Variants in LSAMP observed in about 807,000 individuals in gnomAD.
LSAMP encodes limbic system-associated membrane protein.
Under a neutral mutation model 38.6 loss-of-function variants are expected in LSAMP, and 7 were observed. That is an observed-to-expected ratio of 0.18 (90% CI 0.10 to 0.34). The LOEUF (loss-of-function observed/expected upper bound fraction) is 0.34. LSAMP is among the 10% of genes least tolerant of loss of function. The pLI, the probability that LSAMP is intolerant of heterozygous loss-of-function variation, is 1.00. For synonymous variants in LSAMP, 154 were observed against 166.8 expected (o/e 0.92, Z 0.59); for missense variants, 313 against 420.0 (o/e 0.75, Z 2.23).
At chr3:116,074,844 C>CTTTTTTTTTTTTTT (rs1161460100) in intron 2 of LSAMP, among the ~76,000 whole-genome samples, 41 of 128,376 alleles carry the variant, frequency 3.2e-4, no homozygotes, top group African/African-American at 1.2e-3. Context: ...TTTCTTTATT[C>CTTTTTTTTTTTTTT]TTTTTTTTTT....
At chr3:116,088,401 G>A (rs928875236) in intron 1 of LSAMP, among the ~76,000 whole-genome samples, 2 of 152,016 alleles carry the variant, frequency 1.3e-5, no homozygotes, top group Non-Finnish European at 2.9e-5. Flanking sequence ...CTTCATGAAT[G>A]CTTGCTGCCT....
In LSAMP at chr3:116,327,917, C is replaced by T. The variant is rs752729547; in HGVS notation, c.155+116960G>A. On this transcript the variant is annotated intron_variant, in intron 1 of 6. Coordinates refer to ENST00000490035, the MANE Select transcript of LSAMP (RefSeq NM_002338.5). ...CCTATTTGTGCTGAGATATTACAAA[C>T]GGTCAGGACTCCTGATGGATGATTG... Among the ~76,000 whole-genome samples the T allele has an allele frequency of 5.3e-5, 8 of 152,138 alleles. No individual in the cohort carries two copies. The South Asian group carries it at 8.3e-4, about 16-fold the overall frequency.
intron 3 of LSAMP, among the ~76,000 whole-genome samples, chr3:115,939,084 C>T (rs1221121402): frequency 6.6e-6 from 1 of 152,052 alleles, no homozygotes; most frequent in Admixed American, 6.6e-5. Context: ...GAAACTGGTA[C>T]TGAAAGTCAT....
At chr3:116,046,331 C>T (rs1315724407) in intron 2 of LSAMP, among the ~76,000 whole-genome samples, 1 of 151,962 alleles carries the variant, frequency 6.6e-6, no homozygotes, top group Non-Finnish European at 1.5e-5. Flanking sequence ...GGTAGACTGC[C>T]TGGAAGTGGA....
In LSAMP at chr3:115,916,978, T is replaced by C. The variant is rs559614666; in HGVS notation, c.515-64361A>G. 3.9e-5 allele frequency among the ~76,000 whole-genome samples: 6 copies of C among 152,310 alleles called. No homozygotes were observed. The East Asian group carries it at 7.7e-4, about 20-fold the overall frequency. The stretch of plus-strand genomic sequence containing the variant: ...ATTTTTCTATGAATGAGATCCCTAA[T>C]GTGTATATTATGAAAAAGTCTAAGT... On this transcript the variant is annotated intron_variant, in intron 3 of 6. Coordinates refer to ENST00000490035, the MANE Select transcript of LSAMP (RefSeq NM_002338.5).
chr3:116,278,040 A>T (rs1559810373), intron 1 of LSAMP, among the ~76,000 whole-genome samples: 1 of 152,224 alleles, frequency 6.6e-6, no homozygotes, highest in Non-Finnish European at 1.5e-5. Flanking sequence ...AACTGAAAGC[A>T]ATAATCCTAT....
intron 3 of LSAMP, among the ~76,000 whole-genome samples, chr3:115,939,584 C>CTTTCTCTTTCTT (rs1576237854): frequency 1.5e-5 from 2 of 131,802 alleles, no homozygotes; most frequent in Admixed American, 7.6e-5. Context: ...TTCTTTCTTT[C>CTTTCTCTTTCTT]TGTTAAGAGA....
chr3:116,290,770 T>TAAA (rs2047256331), intron 1 of LSAMP, among the ~76,000 whole-genome samples: 1 of 136,418 alleles, frequency 7.3e-6, no homozygotes, highest in Admixed American at 7.3e-5. Flanking sequence ...ATAATAATAA[T>TAAA]AATAAAATAA....
intron 3 of LSAMP, among the ~76,000 whole-genome samples, chr3:115,888,288 C>G (rs1268657324): frequency 6.6e-6 from 1 of 151,916 alleles, no homozygotes; most frequent in Non-Finnish European, 1.5e-5. Flanking sequence ...ATTAACATAA[C>G]TGTAGAAAAA....
At chr3:116,220,705 A>G (rs62269256) in intron 1 of LSAMP, among the ~76,000 whole-genome samples, 14,261 of 152,196 alleles carry the variant, frequency 0.094, 947 homozygotes, top group African/African-American at 0.19. Context: ...GAAGAATGAG[A>G]TAAGGGATTT....
At chr3:116,430,856 G>C (rs1489399410) in intron 1 of LSAMP, among the ~76,000 whole-genome samples, 2 of 151,922 alleles carry the variant, frequency 1.3e-5, no homozygotes, top group Non-Finnish European at 2.9e-5. Context: ...CATTCAACTA[G>C]ATTTGCTTAT....
chr3:116,252,421 C>T (rs772417029), intron 1 of LSAMP, among the ~76,000 whole-genome samples: 1 of 152,116 alleles, frequency 6.6e-6, no homozygotes, highest in Non-Finnish European at 1.5e-5. Flanking sequence ...ATAGAATTGG[C>T]TTTAGGTGGC....
chr3:116,025,592 C>A (rs1020754840), intron 2 of LSAMP, among the ~76,000 whole-genome samples: 2 of 151,622 alleles, frequency 1.3e-5, no homozygotes, highest in Non-Finnish European at 2.9e-5. Flanking sequence ...ATATTGAATT[C>A]TTTGAATCAT....
At position 116,272,149 on chromosome 3, in the gene LSAMP, A is replaced by AATATATATAT. The variant is rs148831827; in HGVS notation, c.155+172718_155+172727dup. ...TAAATTACAGTTCCATAAACAAATA[A>AATATATATAT]ATATATATATATATAATAAAAACAA... On this transcript the variant is annotated intron_variant, in intron 1 of 6. Transcript: ENST00000490035. Among the ~76,000 whole-genome samples the AATATATATAT allele has an allele frequency of 1.2e-3, 179 of 150,534 alleles. 1 individual carries two copies. The highest frequency in any genetic ancestry group is 4.1e-3 in the African/African-American group (170 of 41,090).
chr3:116,159,811 G>T (rs1266129879), intron 1 of LSAMP, among the ~76,000 whole-genome samples: 1 of 152,142 alleles, frequency 6.6e-6, no homozygotes, highest in Non-Finnish European at 1.5e-5. Context: ...CAATAGCAAA[G>T]ATGTGAAACA....
At chr3:116,259,382 A>C (rs2046796030) in intron 1 of LSAMP, among the ~76,000 whole-genome samples, 1 of 152,164 alleles carries the variant, frequency 6.6e-6, no homozygotes, top group African/African-American at 2.4e-5. Context: ...GACAGTATTT[A>C]ATGGCTATAC....
At chr3:116,116,853 C>T (rs1031289878) in intron 1 of LSAMP, among the ~76,000 whole-genome samples, 2 of 152,174 alleles carry the variant, frequency 1.3e-5, no homozygotes, top group African/African-American at 4.8e-5. Flanking sequence ...TGCATAGGTT[C>T]TCTGGCCAAC....
At chr3:116,134,779 T>G (rs1296397051) in intron 1 of LSAMP, among the ~76,000 whole-genome samples, 2 of 152,188 alleles carry the variant, frequency 1.3e-5, no homozygotes, top group Non-Finnish European at 2.9e-5. Context: ...TTTGAGATCA[T>G]AAGATCCATG....
chr3:116,125,016 T>C (rs1288387650), intron 1 of LSAMP, among the ~76,000 whole-genome samples: 1 of 152,082 alleles, frequency 6.6e-6, no homozygotes, highest in African/African-American at 2.4e-5. Context: ...AGAGAAGAAA[T>C]TCGTCTCTGC....
Sources: gnomAD v4.1 joint callset for allele counts (sites outside exome capture counted in the v4.1 genomes callset) on GRCh38, gnomAD v4.1.1 for gene constraint, MANE v1.5 for transcripts, NCBI Gene and HGNC (gene_info 2026-07-23, HGNC 2026-07-21) for gene names.